Variants in AGBL4 observed in about 807,000 individuals in gnomAD.
AGBL4 encodes cytosolic carboxypeptidase 6.
AGBL4 carries 58 observed loss-of-function variants against 66.4 expected under a neutral mutation model. That is an observed-to-expected ratio of 0.87 (90% CI 0.71 to 1.09). The LOEUF (loss-of-function observed/expected upper bound fraction) is 1.09, where lower values mean the gene tolerates loss of function less well. Among genes scored for constraint, AGBL4 ranks in the 50% least tolerant of loss-of-function variants. The pLI is 0.00. For missense variants in AGBL4, 579 were observed against 631.0 expected, an observed-to-expected ratio of 0.92 and a Z score of 0.88; for synonymous variants, 234 against 222.9, an observed-to-expected ratio of 1.05 and a Z score of -0.44.
At chr1:49,927,251 A>C (rs1571886547) in intron 1 of AGBL4, among the ~76,000 whole-genome samples, 1 of 152,198 alleles carries the variant, frequency 6.6e-6, no homozygotes, top group Admixed American at 6.5e-5. Context: ...GTTGACACTG[A>C]GTATTAACCA....
chr1:49,114,615 T>C (rs6687090), intron 4 of AGBL4, among the ~76,000 whole-genome samples: 15,506 of 152,226 alleles, frequency 0.1, 1,289 homozygotes, highest in African/African-American at 0.22. Context: ...GATACCTTCC[T>C]TACTAAGATT....
At chr1:49,863,253 A>T (rs1344933785) in intron 1 of AGBL4, among the ~76,000 whole-genome samples, 1 of 152,114 alleles carries the variant, frequency 6.6e-6, no homozygotes, top group Non-Finnish European at 1.5e-5. Flanking sequence ...ATGAATCTAG[A>T]CCCCTATCTC....
intron 11 of AGBL4, among the ~76,000 whole-genome samples, chr1:48,559,103 G>A (rs781304427): frequency 4.8e-4 from 73 of 152,138 alleles, no homozygotes; most frequent in Non-Finnish European, 8.7e-4. Context: ...TAATCTTTCT[G>A]TAACAGAGCA....
chr1:49,222,121 G>A (rs1341478084), intron 4 of AGBL4, among the ~76,000 whole-genome samples: 14 of 151,862 alleles, frequency 9.2e-5, no homozygotes, highest in Admixed American at 9.2e-4. Flanking sequence ...TCCATCTATG[G>A]CCTTTCTATC....
intron 6 of AGBL4, among the ~76,000 whole-genome samples, chr1:48,833,050 A>G (rs1200446412): frequency 6.6e-6 from 1 of 152,172 alleles, no homozygotes; most frequent in Non-Finnish European, 1.5e-5. Context: ...CCAATTACTT[A>G]CAATACAGAT....
chr1:49,297,362 T>C (rs527510118), intron 3 of AGBL4, among the ~76,000 whole-genome samples: 1 of 152,048 alleles, frequency 6.6e-6, no homozygotes, highest in Non-Finnish European at 1.5e-5. Flanking sequence ...TACAGACAGA[T>C]AGAAAAGTCT....
intron 8 of AGBL4, 32 bp downstream of exon 8, chr1:48,653,305 C>G: frequency 6.7e-7 from 1 of 1,499,240 alleles, no homozygotes. Flanking sequence ...CCTATAAGTA[C>G]TTGCTTCCAA....
chr1:49,562,492 G>A (rs1571043794), intron 3 of AGBL4, among the ~76,000 whole-genome samples: 1 of 152,114 alleles, frequency 6.6e-6, no homozygotes, highest in African/African-American at 2.4e-5. Flanking sequence ...TGTATAAGGT[G>A]TAAGGAAGGG....
chr1:48,811,508 G>T (rs2148757629), intron 6 of AGBL4, among the ~76,000 whole-genome samples: 1 of 152,336 alleles, frequency 6.6e-6, no homozygotes, highest in South Asian at 2.1e-4. Flanking sequence ...TAGGGTCTAA[G>T]ATCTGATTCT....
chr1:49,677,211 C>T (rs968759737), intron 3 of AGBL4, among the ~76,000 whole-genome samples: 3 of 152,022 alleles, frequency 2.0e-5, no homozygotes, highest in Admixed American at 1.3e-4. Flanking sequence ...AGAAGAACTA[C>T]ATCTTTATTC....
intron 3 of AGBL4, among the ~76,000 whole-genome samples, chr1:49,534,208 C>G (rs1370112590): frequency 4.6e-5 from 6 of 130,888 alleles, no homozygotes; most frequent in Non-Finnish European, 1.6e-5. Context: ...ACAAAAATTA[C>G]CTATGGGCAC....
rs542041970 is a variant in AGBL4, at chr1:49,636,055, G to A, written c.282+61258C>T. 2.0e-5 allele frequency among the ~76,000 whole-genome samples: 3 copies of A among 152,256 alleles called. No homozygotes were observed. In the South Asian group the frequency reaches 6.2e-4, roughly 32 times the overall value. ...GGTTCTAGGGCTGCACTCTAGGGCT[G>A]TATCTCTGTTAATTCAGACCTCTTA... On this transcript the variant is annotated intron_variant, in intron 3 of 13. Transcript: ENST00000371839.
chr1:49,137,141 G>A lies in AGBL4; in HGVS notation c.378-91341C>T, dbSNP rs148523654. Among the ~76,000 whole-genome samples the A allele has an allele frequency of 1.3e-3, 192 of 152,122 alleles. 2 individuals carry two copies. The Middle Eastern group carries it at 0.017, about 13-fold the overall frequency. ...TTTCATTTCATTTTTTCCTAATAAA[G>A]TTTCTATGCTATAGATCATAAAATT... On this transcript the variant is annotated intron_variant, in intron 4 of 13. Transcript: ENST00000371839.
At chr1:49,658,378 G>T (rs969027410) in intron 3 of AGBL4, among the ~76,000 whole-genome samples, 8 of 152,296 alleles carry the variant, frequency 5.3e-5, no homozygotes, top group Non-Finnish European at 8.8e-5. Flanking sequence ...GAGAGGATGT[G>T]GAGAAATAGG....
intron 1 of AGBL4, among the ~76,000 whole-genome samples, chr1:49,976,214 T>C (rs1327066686): frequency 6.6e-6 from 1 of 152,244 alleles, no homozygotes; most frequent in Admixed American, 6.5e-5. Context: ...GTAGAATTTT[T>C]GTTCATTCAT....
At chr1:49,375,158 G>T (rs1644446249) in intron 3 of AGBL4, among the ~76,000 whole-genome samples, 8 of 152,062 alleles carry the variant, frequency 5.3e-5, no homozygotes, top group Admixed American at 5.3e-4. Flanking sequence ...AACTGCTTTT[G>T]CTTGGGGCCT....
At chr1:49,924,605 A>G (rs1243490976) in intron 1 of AGBL4, among the ~76,000 whole-genome samples, 2 of 152,152 alleles carry the variant, frequency 1.3e-5, no homozygotes, top group Non-Finnish European at 2.9e-5. Flanking sequence ...GTGTATGAAT[A>G]ATATCTAAGT....
chr1:49,474,330 T>C (rs1646806324), intron 3 of AGBL4, among the ~76,000 whole-genome samples: 1 of 152,034 alleles, frequency 6.6e-6, no homozygotes, highest in Non-Finnish European at 1.5e-5. Flanking sequence ...GTTCTCATTG[T>C]AGAGATATTT....
chr1:49,795,546 C>T (rs535455033), intron 2 of AGBL4, among the ~76,000 whole-genome samples: 1 of 151,848 alleles, frequency 6.6e-6, no homozygotes, highest in South Asian at 2.1e-4. Context: ...AGAGTTATGG[C>T]CCAGGAGTAT....
Sources: allele counts gnomAD v4.1 joint callset (sites outside exome capture counted in the v4.1 genomes callset), GRCh38; gene constraint gnomAD v4.1.1; transcripts MANE v1.5; gene names NCBI Gene and HGNC (gene_info 2026-07-23, HGNC 2026-07-21).